CLASP1: variants seen among roughly 807,000 people sequenced by gnomAD.
CLASP1 encodes cytoplasmic linker associated protein 1.
CLASP1 carries 38 observed loss-of-function variants against 192.3 expected under a neutral mutation model. The observed-to-expected ratio is 0.20, with a 90% confidence interval of 0.15 to 0.26. The LOEUF is 0.26. CLASP1 is among the 10% of genes least tolerant of loss of function. CLASP1 has a pLI of 1.00. For missense variants in CLASP1, 1,433 were observed against 1,932.5 expected (o/e 0.74, Z 4.85); for synonymous variants, 691 against 712.8 (o/e 0.97, Z 0.49).
Position 121,377,096 on chromosome 2 carries a change from A to G in CLASP1, c.3642+403T>C, listed in dbSNP as rs112364201. Among the ~76,000 whole-genome samples the G allele has an allele frequency of 6.4e-3, 970 of 152,354 alleles. 11 individuals carry two copies. The highest frequency in any genetic ancestry group is 0.022 in the African/African-American group (926 of 41,592). ...AACTGGCCTGGTCTGTGGAAAAACT[A>G]TCTTCCACAAAACCAGTTCCTGGTG... is the stretch of plus-strand genomic sequence containing the variant. On this transcript the variant is annotated intron_variant, in intron 34 of 39. Transcript: ENST00000263710.
At chr2:121,421,994 GA>G (rs1385488237) in intron 22 of CLASP1, among the ~76,000 whole-genome samples, 3 of 152,318 alleles carry the variant, frequency 2.0e-5, no homozygotes, top group Admixed American at 6.5e-5. Context: ...GCATAAGAGG[GA>G]GAGACCAGGA....
chr2:121,342,725 G>T (rs533390026), intron 39 of CLASP1, among the ~76,000 whole-genome samples: 20 of 152,246 alleles, frequency 1.3e-4, no homozygotes, highest in Non-Finnish European at 1.6e-4. Context: ...AGAATCGTTT[G>T]AAACCAGTTC....
intron 30 of CLASP1, among the ~76,000 whole-genome samples, chr2:121,395,438 C>T (rs1340168173): frequency 6.6e-6 from 1 of 152,134 alleles, no homozygotes; most frequent in Non-Finnish European, 1.5e-5. Flanking sequence ...CATATCAATG[C>T]CCACTATGTT....
chr2:121,510,944 G>T (rs536257961), intron 7 of CLASP1, among the ~76,000 whole-genome samples: 1 of 152,134 alleles, frequency 6.6e-6, no homozygotes, highest in Non-Finnish European at 1.5e-5. Context: ...AAAGACCCAG[G>T]ATGACAAAGA....
intron 2 of CLASP1, among the ~76,000 whole-genome samples, chr2:121,597,736 G>A (rs887117014): frequency 3.9e-5 from 6 of 152,212 alleles, no homozygotes; most frequent in African/African-American, 1.4e-4. Context: ...GCTAAGAAAC[G>A]TTGTTTCCAA....
At chr2:121,411,597 A>C (rs1424487980) in intron 23 of CLASP1, among the ~76,000 whole-genome samples, 1 of 152,170 alleles carries the variant, frequency 6.6e-6, no homozygotes, top group Admixed American at 6.5e-5. Context: ...AATTTAGATA[A>C]TATAAGTTTT....
intron 37 of CLASP1, among the ~76,000 whole-genome samples, chr2:121,352,512 C>CGT (rs1308043007): frequency 2.6e-5 from 4 of 152,266 alleles, no homozygotes; most frequent in African/African-American, 9.6e-5. Flanking sequence ...TTTTTTACCC[C>CGT]GACAAAGGCA....
intron 13 of CLASP1, among the ~76,000 whole-genome samples, 200 bp from the exon 14 acceptor site, chr2:121,457,957 C>T (rs1424338149): frequency 6.6e-6 from 1 of 152,146 alleles, no homozygotes; most frequent in Non-Finnish European, 1.5e-5. Flanking sequence ...GAACAGGCAA[C>T]ATGATGACAT....
intron 30 of CLASP1, among the ~76,000 whole-genome samples, chr2:121,389,233 C>T (rs531499464): frequency 6.6e-6 from 1 of 151,864 alleles, no homozygotes; most frequent in Non-Finnish European, 1.5e-5. Context: ...TCATTAATAC[C>T]TTTTCCACCC....
chr2:121,455,007 G>T (rs1445072310), intron 14 of CLASP1, among the ~76,000 whole-genome samples: 1 of 152,144 alleles, frequency 6.6e-6, no homozygotes, highest in Non-Finnish European at 1.5e-5. Context: ...TTCAACTGAT[G>T]CTGGTCAGGT....
Position 121,447,209 on chromosome 2 carries a change from T to C in CLASP1, c.1912+128A>G, listed in dbSNP as rs191949090. On this transcript the variant is annotated intron_variant, in intron 19 of 39. Transcript: ENST00000263710. ...ATCAGCAGCAAGTGCACGAAGCTAC[T>C]TAGATTTAAATAGTAGCCCCACAAC... is the stretch of plus-strand genomic sequence containing the variant. 17 of 879,168 alleles carry C rather than the reference T, an allele frequency of 1.9e-5. No individual in the cohort carries two copies. In the African/African-American group the frequency reaches 2.4e-4, roughly 12 times the overall value. 54.5% of individuals were successfully genotyped at this position (879,168 alleles called of 1,614,324 possible).
chr2:121,385,455 C>T (rs2072990095), intron 32 of CLASP1, among the ~76,000 whole-genome samples: 1 of 152,086 alleles, frequency 6.6e-6, no homozygotes, highest in Non-Finnish European at 1.5e-5. Flanking sequence ...ACTATAAATA[C>T]AAATTAAGAT....
intron 2 of CLASP1, among the ~76,000 whole-genome samples, chr2:121,563,392 A>C (rs569612690): frequency 7.9e-5 from 12 of 152,354 alleles, no homozygotes; most frequent in Non-Finnish European, 1.3e-4. Flanking sequence ...GGCAGAAAGA[A>C]TCAGCAGAAA....
At chr2:121,342,361 T>C (rs1386146250) in intron 39 of CLASP1, among the ~76,000 whole-genome samples, 2 of 152,126 alleles carry the variant, frequency 1.3e-5, no homozygotes, top group Admixed American at 6.5e-5. Context: ...CAAGCAATCC[T>C]CCTGCCTCGG....
chr2:121,448,048 C>T (rs1351504156), intron 18 of CLASP1, among the ~76,000 whole-genome samples: 1 of 152,240 alleles, frequency 6.6e-6, no homozygotes, highest in African/African-American at 2.4e-5. Context: ...GAAAAGGTCA[C>T]AGAGCTTCAT....
At position 121,414,892 on chromosome 2, in the gene CLASP1, C is replaced by T. The variant is rs1347374865; in HGVS notation, c.2320+3730G>A. On this transcript the variant is annotated intron_variant, in intron 23 of 39. Coordinates refer to ENST00000263710, the Ensembl canonical transcript of CLASP1. Reference sequence around the variant, plus strand: ...TTGATTCCCCAGGCTCAAGCAGATCCGCCTGCCTCAGCCTCCCAAGTAGCA... The same window carrying T: ...TTGATTCCCCAGGCTCAAGCAGATCTGCCTGCCTCAGCCTCCCAAGTAGCA... Among the ~76,000 whole-genome samples the T allele has an allele frequency of 3.3e-5, 5 of 152,238 alleles. No homozygotes were observed. The East Asian group carries it at 5.8e-4, about 18-fold the overall frequency.
chr2:121,344,087 A>G (rs571726635), intron 39 of CLASP1, among the ~76,000 whole-genome samples: 1 of 152,076 alleles, frequency 6.6e-6, no homozygotes, highest in Admixed American at 6.6e-5. Flanking sequence ...AAACAGTTAC[A>G]ATGGTAAATT....
chr2:121,617,548 G>C (rs1376151138), intron 1 of CLASP1, among the ~76,000 whole-genome samples: 1 of 152,132 alleles, frequency 6.6e-6, no homozygotes, highest in Admixed American at 6.5e-5. Context: ...GCTCTTGTCA[G>C]AATCACCAGT....
chr2:121,418,796 A>C, intron 22 of CLASP1, 67 bp from the exon 23 acceptor site: 1 of 1,121,458 alleles, frequency 8.9e-7, no homozygotes, highest in Non-Finnish European at 1.4e-6. Context: ...AAACTCACAA[A>C]ATGTCAGTCA....
Sources: allele counts gnomAD v4.1 joint callset (sites outside exome capture counted in the v4.1 genomes callset), GRCh38; gene constraint gnomAD v4.1.1; transcripts MANE v1.5; gene names NCBI Gene and HGNC (gene_info 2026-07-23, HGNC 2026-07-21).